The following ADGRA3 variants were observed in gnomAD, a reference collection of about 807,000 sequenced individuals.
The protein encoded by ADGRA3 is G-protein coupled receptor 125.
ADGRA3 carries 56 observed loss-of-function variants against 119.8 expected under a neutral mutation model. The observed-to-expected ratio is 0.47, with a 90% confidence interval of 0.38 to 0.58. The LOEUF (loss-of-function observed/expected upper bound fraction) is 0.58, where lower values mean the gene tolerates loss of function less well. Among genes scored for constraint, ADGRA3 ranks in the 20% least tolerant of loss-of-function variants. ADGRA3 has a pLI of 0.00. For missense variants in ADGRA3, 1,516 were observed against 1,649.0 expected (o/e 0.92, Z 1.40); for synonymous variants, 607 against 623.8 (o/e 0.97, Z 0.40).
In ADGRA3 at chr4:22,388,400, T is replaced by A; in HGVS notation, c.3271A>T (p.Asn1091Tyr). The change falls in exon 19 of 19, where the codon AAT becomes TAT. Residue 1091 changes from asparagine (N) to tyrosine (Y), a missense_variant. Around this residue, in one of 2 missense-constraint regions of ADGRA3, gnomAD observed 1,088 missense variants for 1,107.1 expected, o/e 0.98. Transcript: ENST00000334304. ...GTGCATGAAGACTCCGCACTGCTAT[T>A]GGGGCATTTGGGTGCCTCTCCATTC... ...GTNGEAPKCPNSSAESSCTNK... is the reference protein window; with the variant it reads ...GTNGEAPKCPYSSAESSCTNK... 1 of 1,614,064 alleles carries A rather than the reference T, an allele frequency of 6.2e-7. No homozygotes were observed. Among genetic ancestry groups the A allele is most frequent in the Non-Finnish European group, 8.5e-7 (1 of 1,179,996 alleles).
At chr4:22,418,853 T>C (rs1420178128) in intron 12 of ADGRA3, among the ~76,000 whole-genome samples, 1 of 151,970 alleles carries the variant, frequency 6.6e-6, no homozygotes, top group Non-Finnish European at 1.5e-5. Flanking sequence ...GTCTGGGTGG[T>C]GGTCCCAACA....
rs111298499 is a variant in ADGRA3, at chr4:22,388,365, A to T, written c.3306T>A (p.Ser1102Arg). ...SSAESSCTNKSASSFKNSSQG... is the reference protein window; with the variant it reads ...SSAESSCTNKRASSFKNSSQG... Reference sequence around the variant, plus strand: ...GGGAGGAATTTTTGAAGCTTGAAGCACTTTTGTTTGTGCATGAAGACTCCG... The same window carrying T: ...GGGAGGAATTTTTGAAGCTTGAAGCTCTTTTGTTTGTGCATGAAGACTCCG... Residue 1102 changes from serine to arginine, a missense_variant, in exon 19 of 19, where the codon AGT becomes AGA. By Grantham distance (110) the Ser-to-Arg change is moderately radical. Around this residue, in one of 2 missense-constraint regions of ADGRA3, gnomAD observed 1,088 missense variants for 1,107.1 expected, o/e 0.98. Coordinates refer to ENST00000334304, the MANE Select transcript of ADGRA3 (RefSeq NM_145290.4). 2.5e-6 allele frequency: 4 copies of T among 1,614,028 alleles called. No homozygotes were observed. The South Asian group carries it at 4.4e-5, about 18-fold the overall frequency.
At chr4:22,427,419 C>T (rs146702875) in intron 10 of ADGRA3, among the ~76,000 whole-genome samples, 358 of 151,714 alleles carry the variant, frequency 2.4e-3, no homozygotes, top group Middle Eastern at 6.8e-3. Context: ...CTATGCCCTG[C>T]TAGATAATGC....
At chr4:22,467,364 A>T (rs79871475) in intron 2 of ADGRA3, among the ~76,000 whole-genome samples, 3,201 of 152,254 alleles carry the variant, frequency 0.021, 45 homozygotes, top group Middle Eastern at 0.065. Context: ...TCCCCAACTG[A>T]CCCTCATTTC....
chr4:22,494,203 T>C (rs2109154679), intron 1 of ADGRA3, among the ~76,000 whole-genome samples: 1 of 143,522 alleles, frequency 7.0e-6, no homozygotes, highest in South Asian at 2.3e-4. Flanking sequence ...AGACTCTGTC[T>C]CAGAAAAAAA....
chr4:22,509,711 A>G (rs1320739702), intron 1 of ADGRA3, among the ~76,000 whole-genome samples: 1 of 151,634 alleles, frequency 6.6e-6, no homozygotes, highest in Non-Finnish European at 1.5e-5. Flanking sequence ...GGTGTTCCTC[A>G]TAGATAAGAA....
intron 2 of ADGRA3, among the ~76,000 whole-genome samples, chr4:22,467,241 C>T (rs962593002): frequency 1.3e-5 from 2 of 152,154 alleles, no homozygotes; most frequent in Non-Finnish European, 1.5e-5. Flanking sequence ...TCAATTCTTC[C>T]GTATGTTTAA....
chr4:22,407,237 C>T (rs745430454), intron 14 of ADGRA3, among the ~76,000 whole-genome samples: 1 of 152,144 alleles, frequency 6.6e-6, no homozygotes, highest in Non-Finnish European at 1.5e-5. Context: ...AGCCACTGCC[C>T]TCCAGCCTGG....
At chr4:22,478,040 C>T (rs1012180628) in intron 1 of ADGRA3, 2 of 152,014 alleles carry the variant, frequency 1.3e-5, no homozygotes, top group African/African-American at 2.4e-5. Flanking sequence ...AAAACTTGAG[C>T]GAAGTCATAA....
In ADGRA3 at chr4:22,438,160, T is replaced by C. The variant is rs184230552; in HGVS notation, c.1085+96A>G. ...TCCTCAGACATGTGCAGTTCTCAAA[T>C]TTTGTTACTCAGGACAGGAAACCAA... On this transcript the variant is annotated intron_variant, in intron 8 of 18. Transcript: ENST00000334304. The C allele has an allele frequency of 4.2e-6, 4 of 948,338 alleles. No individual in the cohort carries two copies. In the Admixed American group the frequency reaches 8.3e-5, roughly 20 times the overall value. 58.7% of individuals were successfully genotyped at this position (948,338 alleles called of 1,614,324 possible).
chr4:22,497,757 C>G (rs1433928612), intron 1 of ADGRA3, among the ~76,000 whole-genome samples: 8 of 64,032 alleles, frequency 1.2e-4, no homozygotes, highest in African/African-American at 5.1e-4. Flanking sequence ...TCATTGCTGT[C>G]TCAAAAAAAA....
intron 11 of ADGRA3, among the ~76,000 whole-genome samples, chr4:22,422,018 A>T (rs978223386): frequency 6.6e-5 from 10 of 152,114 alleles, no homozygotes; most frequent in Non-Finnish European, 1.3e-4. Context: ...AAAGTGAACC[A>T]AGGGGAACCA....
chr4:22,489,837 G>C (rs1051350568), intron 1 of ADGRA3, among the ~76,000 whole-genome samples: 3 of 152,130 alleles, frequency 2.0e-5, no homozygotes, highest in African/African-American at 7.2e-5. Flanking sequence ...TATTCAAAAT[G>C]AGACAGCAAG....
intron 16 of ADGRA3, chr4:22,393,973 T>G (rs1436512514): frequency 6.6e-6 from 1 of 152,180 alleles, no homozygotes; most frequent in African/African-American, 2.4e-5. Flanking sequence ...TAGTTGAGGA[T>G]GAAATTCTAG....
intron 4 of ADGRA3, among the ~76,000 whole-genome samples, chr4:22,448,043 A>G (rs1716891546): frequency 6.6e-6 from 1 of 152,174 alleles, no homozygotes; most frequent in African/African-American, 2.4e-5. Context: ...TCTTGGGCAC[A>G]TCAGTTCTCT....
chr4:22,434,131 TATATAACA>T (rs1162331542), intron 10 of ADGRA3, among the ~76,000 whole-genome samples: 1 of 148,140 alleles, frequency 6.8e-6, no homozygotes, highest in East Asian at 1.9e-4. Flanking sequence ...ATATATATTA[TATATAACA>T]ATATATCTAT....
chr4:22,511,895 C>CTTTTTTTTTTTTTTTTTTTTTTTTT (rs5856700), intron 1 of ADGRA3, among the ~76,000 whole-genome samples: 1 of 102,622 alleles, frequency 9.7e-6, no homozygotes, highest in Non-Finnish European at 1.8e-5. Flanking sequence ...TTCTTTCTTT[C>CTTTTTTTTTTTTTTTTTTTTTTTTT]TTTTTTTTTT....
chr4:22,497,474 T>C (rs536767319), intron 1 of ADGRA3, among the ~76,000 whole-genome samples: 49 of 152,188 alleles, frequency 3.2e-4, no homozygotes, highest in African/African-American at 1.2e-3. Context: ...TATATTCCTA[T>C]AGCAGAGGAA....
chr4:22,481,119 T>G (rs993624400), intron 1 of ADGRA3, among the ~76,000 whole-genome samples: 1 of 152,188 alleles, frequency 6.6e-6, no homozygotes, highest in Non-Finnish European at 1.5e-5. Flanking sequence ...GACACTGTGT[T>G]AGATTTGGCC....
Sources: allele counts gnomAD v4.1 joint callset (sites outside exome capture counted in the v4.1 genomes callset), GRCh38; gene constraint gnomAD v4.1.1; regional missense constraint gnomAD v4.1.1; transcripts MANE v1.5; gene names NCBI Gene and HGNC (gene_info 2026-07-23, HGNC 2026-07-21).